Variants in CLVS1 observed in about 807,000 individuals in gnomAD.
CLVS1 encodes the protein clavesin-1.
In CLVS1, 10 loss-of-function variants were observed where a neutral mutation model predicts 33.1. The ratio of observed to expected loss-of-function variants is 0.30; its 90% CI spans 0.19 to 0.51. CLVS1 has a LOEUF of 0.51. Among genes scored for constraint, CLVS1 ranks in the 20% least tolerant of loss-of-function variants. CLVS1 has a pLI of 0.97. For missense variants in CLVS1, 343 were observed against 433.4 expected, an observed-to-expected ratio of 0.79 and a Z score of 1.85; for synonymous variants, 163 against 166.1, an observed-to-expected ratio of 0.98 and a Z score of 0.14.
intron 1 of CLVS1, among the ~76,000 whole-genome samples, chr8:61,098,712 A>G (rs1449268758): frequency 6.6e-6 from 1 of 152,096 alleles, no homozygotes; most frequent in Non-Finnish European, 1.5e-5. Context: ...GGGTTGTATG[A>G]GTCAGAGTTG....
At chr8:61,381,415 T>TA (rs752418392) in intron 3 of CLVS1, among the ~76,000 whole-genome samples, 3 of 152,206 alleles carry the variant, frequency 2.0e-5, no homozygotes, top group Admixed American at 6.5e-5. Context: ...TTTTTTGTGT[T>TA]ACGAGAATTA....
At chr8:61,352,736 C>T (rs193297299) in intron 2 of CLVS1, among the ~76,000 whole-genome samples, 2 of 152,000 alleles carry the variant, frequency 1.3e-5, no homozygotes, top group East Asian at 3.9e-4. Flanking sequence ...TCTGCATCCA[C>T]AGATTCAACA....
intron 2 of CLVS1, among the ~76,000 whole-genome samples, chr8:61,348,422 T>A (rs1018635030): frequency 2.0e-4 from 30 of 152,102 alleles, no homozygotes; most frequent in African/African-American, 7.2e-4. Context: ...ATGGCACATG[T>A]ATACATATGT....
chr8:61,480,844 G>T (rs1818166099), intron 5 of CLVS1, among the ~76,000 whole-genome samples: 1 of 152,096 alleles, frequency 6.6e-6, no homozygotes, highest in South Asian at 2.1e-4. Context: ...AACGTGGAAT[G>T]CTGTTTTAAG....
chr8:61,159,856 A>C (rs1337175346), intron 2 of CLVS1, among the ~76,000 whole-genome samples: 1 of 152,204 alleles, frequency 6.6e-6, no homozygotes, highest in Admixed American at 6.5e-5. Flanking sequence ...GAGCAAGGAG[A>C]CATCAAACCA....
chr8:61,385,480 G>A (rs559458171), intron 3 of CLVS1, among the ~76,000 whole-genome samples: 4 of 152,268 alleles, frequency 2.6e-5, no homozygotes, highest in African/African-American at 9.6e-5. Flanking sequence ...GGAGAACCTT[G>A]CCCTGCACAG....
At chr8:60,996,514 A>G in the CLVS1 span, among the ~76,000 whole-genome samples, 1 of 152,190 alleles carries the variant, frequency 6.6e-6, no homozygotes, top group Non-Finnish European at 1.5e-5. Flanking sequence ...AAAAGTGGAA[A>G]TTTCTCTTTT....
intron 1 of CLVS1, among the ~76,000 whole-genome samples, chr8:61,080,152 T>G (rs1804995826): frequency 6.6e-6 from 1 of 152,236 alleles, no homozygotes; most frequent in Non-Finnish European, 1.5e-5. Context: ...ACATTTGTGG[T>G]GGTCACTATT....
chr8:61,430,113 C>CA (rs1563549941), intron 3 of CLVS1, among the ~76,000 whole-genome samples: 1 of 152,178 alleles, frequency 6.6e-6, no homozygotes, highest in East Asian at 1.9e-4. Flanking sequence ...GAAGCCAGTG[C>CA]ACTTTTTTTA....
rs1325536459 is a variant in CLVS1 at position 61,500,690 on chromosome 8, C to T, written c.*1148C>T. 6.6e-6 allele frequency: 1 copy of T among 152,132 alleles called. No homozygotes were observed. Among genetic ancestry groups the T allele is most frequent in the Admixed American group, 6.5e-5 (1 of 15,276 alleles). The allele number at this position is 152,132 out of a possible 1,614,324, so 9.4% of individuals were successfully genotyped here. A position where few individuals can be genotyped will look rare whatever the true frequency, so the allele number is the denominator to read the frequency against. ...CTTACTTGTGCCATGTTTTCCAAGA[C>T]CAGTGCATATTTTTAGACATCTCTT... On this transcript the variant is annotated 3_prime_UTR_variant, in exon 6 of 6. Transcript: ENST00000325897.
intron 2 of CLVS1, among the ~76,000 whole-genome samples, chr8:61,264,022 T>A (rs971991472): frequency 3.3e-5 from 5 of 152,114 alleles, no homozygotes; most frequent in Non-Finnish European, 7.4e-5. Flanking sequence ...TAATTGCAAA[T>A]GAACTTTCAG....
intron 2 of CLVS1, among the ~76,000 whole-genome samples, chr8:61,145,544 TTG>T (rs1186621319): frequency 2.0e-5 from 3 of 152,248 alleles, no homozygotes; most frequent in Non-Finnish European, 4.4e-5. Flanking sequence ...GGCCAGGTCC[TTG>T]GGGGCATCTT....
chr8:61,090,495 A>G (rs952351095), intron 1 of CLVS1, among the ~76,000 whole-genome samples: 75 of 152,276 alleles, frequency 4.9e-4, no homozygotes, highest in African/African-American at 1.7e-3. Flanking sequence ...ACAGGCTTAC[A>G]AAATGACTCA....
intron 5 of CLVS1, among the ~76,000 whole-genome samples, chr8:61,495,336 C>T (rs1483142040): frequency 6.6e-6 from 1 of 152,126 alleles, no homozygotes; most frequent in African/African-American, 2.4e-5. Flanking sequence ...TCCACAAAAG[C>T]ATAAAGGTTT....
intron 2 of CLVS1, among the ~76,000 whole-genome samples, chr8:61,232,373 A>G (rs910105953): frequency 7.9e-5 from 12 of 152,096 alleles, no homozygotes; most frequent in African/African-American, 2.9e-4. Flanking sequence ...TACAGTTTGC[A>G]CAGGAGACCT....
chr8:61,027,469 C>T, the CLVS1 span, among the ~76,000 whole-genome samples: 1 of 152,046 alleles, frequency 6.6e-6, no homozygotes, highest in Admixed American at 6.6e-5. Context: ...ATAAAATGAG[C>T]TGTCTAATTC....
chr8:60,984,038 C>T, the CLVS1 span, among the ~76,000 whole-genome samples: 1 of 152,166 alleles, frequency 6.6e-6, no homozygotes, highest in Non-Finnish European at 1.5e-5. Flanking sequence ...TTGGCTGCAG[C>T]CCCAGCCTAG....
chr8:61,096,336 T>C (rs1474606200), intron 1 of CLVS1, among the ~76,000 whole-genome samples: 1 of 152,248 alleles, frequency 6.6e-6, no homozygotes, highest in Non-Finnish European at 1.5e-5. Flanking sequence ...CTCTGCTTTC[T>C]GTCTTATTTC....
intron 2 of CLVS1, chr8:61,273,794 G>A (rs1295915182): frequency 6.5e-6 from 1 of 154,388 alleles, no homozygotes; most frequent in African/African-American, 2.4e-5. Context: ...CTCGGAAAGG[G>A]AACTCCCTGA....
Sources: gnomAD v4.1 joint callset for allele counts (sites outside exome capture counted in the v4.1 genomes callset) on GRCh38, gnomAD v4.1.1 for gene constraint, MANE v1.5 for transcripts, NCBI Gene and HGNC (gene_info 2026-07-23, HGNC 2026-07-21) for gene names.